Variants in C10orf67 observed in about 807,000 individuals in gnomAD.
C10orf67 encodes chromosome 10 open reading frame 67.
A neutral mutation model predicts 35.6 loss-of-function variants in C10orf67; 60 were observed. That is an observed-to-expected ratio of 1.68 (90% CI 1.37 to 2.09). The LOEUF (loss-of-function observed/expected upper bound fraction) is 2.09. C10orf67 is among the 30% of genes most tolerant of loss of function. The pLI, the probability that C10orf67 is intolerant of heterozygous loss-of-function variation, is 0.00. For missense variants in C10orf67, 474 were observed against 330.2 expected (o/e 1.44, Z -3.38); for synonymous variants, 167 against 115.8 (o/e 1.44, Z -2.84).
chr10:23,329,371 C>T (rs963616643), intron 2 of C10orf67, among the ~76,000 whole-genome samples: 1 of 151,724 alleles, frequency 6.6e-6, no homozygotes, highest in Non-Finnish European at 1.5e-5. Context: ...TCAAAAGTGA[C>T]CCAGAATATT....
rs545716922 is a variant in C10orf67, at chr10:23,298,565, T to G, written c.702+4739A>C. 3.3e-5 allele frequency among the ~76,000 whole-genome samples: 5 copies of G among 152,348 alleles called. No individual in the cohort carries two copies. The East Asian group carries it at 9.7e-4, about 29-fold the overall frequency. On this transcript the variant is annotated intron_variant, in intron 5 of 15. Transcript: ENST00000636213. Reference sequence around the variant, plus strand: ...TTAGTGTATATAATGGTCTGGCTATTTCGCCGTACCTGGGAATCCATATTC... The same window carrying G: ...TTAGTGTATATAATGGTCTGGCTATGTCGCCGTACCTGGGAATCCATATTC...
intron 2 of C10orf67, among the ~76,000 whole-genome samples, chr10:23,324,498 A>G (rs932623750): frequency 1.3e-5 from 2 of 152,120 alleles, no homozygotes; most frequent in African/African-American, 4.8e-5. Flanking sequence ...CTTTACCCCA[A>G]TAACTCTGGA....
intron 15 of C10orf67, among the ~76,000 whole-genome samples, chr10:23,216,005 T>A (rs141925062): frequency 6.6e-6 from 1 of 152,182 alleles, no homozygotes. Flanking sequence ...TACTTCATGA[T>A]GACACTTTAG....
intron 1 of C10orf67, among the ~76,000 whole-genome samples, chr10:23,339,234 G>A (rs1230423669): frequency 6.6e-6 from 1 of 152,116 alleles, no homozygotes; most frequent in Non-Finnish European, 1.5e-5. Flanking sequence ...AGGCAGAAAA[G>A]GGAGTCACTC....
chr10:23,323,079 G>T (rs570969560), intron 2 of C10orf67, among the ~76,000 whole-genome samples: 373 of 152,282 alleles, frequency 2.4e-3, no homozygotes, highest in African/African-American at 8.7e-3. Context: ...AAGATATGAT[G>T]ATGGACTAAA....
chr10:23,267,176 A>AGAGAG lies in C10orf67; in HGVS notation c.1035+18_1035+19insCTCTC. On this transcript the variant is annotated intron_variant, in intron 9 of 15. Coordinates refer to ENST00000636213, the MANE Select transcript of C10orf67 (RefSeq NM_001371909.1). Reference sequence around the variant, plus strand: ...CAAAATAAAAGAGAAAGAGAGAGAGAAAAAACTTAAATACAAACCTTTACA... The same window carrying AGAGAG: ...CAAAATAAAAGAGAAAGAGAGAGAGAGAGAGAAAAACTTAAATACAAACCTTTACA... 1 of 704,134 alleles carries AGAGAG rather than the reference A, an allele frequency of 1.4e-6. No homozygotes were observed. Among genetic ancestry groups the AGAGAG allele is most frequent in the African/African-American group, 1.8e-5 (1 of 56,406 alleles). 43.6% of individuals were successfully genotyped at this position (704,134 alleles called of 1,614,324 possible).
intron 10 of C10orf67, among the ~76,000 whole-genome samples, chr10:23,261,862 G>T (rs1271140427): frequency 6.6e-6 from 1 of 152,132 alleles, no homozygotes; most frequent in Non-Finnish European, 1.5e-5. Context: ...ATTCCACTGA[G>T]GAAAAGAAAG....
In C10orf67 at chr10:23,303,354, C is replaced by A. The variant is rs79461697; in HGVS notation, c.652G>T (p.Glu218Ter). Residue 218 changes from glutamate (E) to a stop codon, truncating the protein, a stop_gained, in exon 5 of 16, where the codon GAA (glutamate) becomes TAA (stop). Transcript: ENST00000636213. LOFTEE classifies it high-confidence loss of function. ...TATTGGTCTAGTTCTTCTTTTAATT[C>A]TTTAATAACTTCTTCTTTCTCTTTC... ...KLKEKEEVIK[E>*]LKEELDQYKD... 1.6e-6 allele frequency: 1 copy of A among 638,106 alleles called. No individual in the cohort carries two copies. Among genetic ancestry groups the A allele is most frequent in the Non-Finnish European group, 2.8e-6 (1 of 352,816 alleles). 39.5% of individuals were successfully genotyped at this position (638,106 alleles called of 1,614,324 possible).
At chr10:23,257,763 A>C (rs1281038442) in intron 10 of C10orf67, among the ~76,000 whole-genome samples, 1 of 151,498 alleles carries the variant, frequency 6.6e-6, no homozygotes, top group Non-Finnish European at 1.5e-5. Context: ...AGATCACAGC[A>C]CTGCACTCCA....
intron 13 of C10orf67, among the ~76,000 whole-genome samples, chr10:23,228,648 A>G (rs1382643927): frequency 6.6e-6 from 1 of 152,226 alleles, no homozygotes; most frequent in Non-Finnish European, 1.5e-5. Context: ...CAGAGTGAAC[A>G]GGCAACCACA....
intron 10 of C10orf67, among the ~76,000 whole-genome samples, chr10:23,265,343 A>C (rs1457390341): frequency 6.6e-6 from 1 of 152,014 alleles, no homozygotes; most frequent in Non-Finnish European, 1.5e-5. Context: ...ATTCTGTTCC[A>C]CTCCTCCATG....
chr10:23,276,093 C>G (rs1045247859), intron 8 of C10orf67, among the ~76,000 whole-genome samples: 1 of 152,118 alleles, frequency 6.6e-6, no homozygotes, highest in Admixed American at 6.6e-5. Flanking sequence ...TGGGGTTTCT[C>G]AGGATGTAGG....
rs148846914 is a variant in C10orf67, at chr10:23,203,986, G to A, written c.*187C>T. On this transcript the variant is annotated 3_prime_UTR_variant, in exon 16 of 16. Transcript: ENST00000636213. ...TTTCCTTAAAGGCGTGGAAAGGAGC[G>A]CGCACAAGGCGCGCATTGAGGTCTA... is the stretch of plus-strand genomic sequence containing the variant. 3,260 of 375,080 alleles carry A rather than the reference G, an allele frequency of 8.7e-3. 30 individuals are homozygous for A. The highest frequency in any genetic ancestry group is 9.0e-3 in the Non-Finnish European group (1,905 of 211,552). The allele number at this position is 375,080 out of a possible 1,614,324, so 23.2% of individuals were successfully genotyped here. A position where few individuals can be genotyped will look rare whatever the true frequency, so the allele number is the denominator to read the frequency against.
At chr10:23,302,069 G>A (rs906589762) in intron 5 of C10orf67, among the ~76,000 whole-genome samples, 2 of 152,174 alleles carry the variant, frequency 1.3e-5, no homozygotes, top group Admixed American at 6.5e-5. Context: ...TAACAAACAC[G>A]GACCAGAAGA....
intron 1 of C10orf67, among the ~76,000 whole-genome samples, chr10:23,342,218 CCA>C (rs111662364): frequency 0.012 from 1,797 of 149,536 alleles, 24 homozygotes; most frequent in African/African-American, 0.03. Context: ...TCCCCACTTG[CCA>C]CACACACACA....
At chr10:23,315,652 G>A (rs1219011477) in intron 4 of C10orf67, among the ~76,000 whole-genome samples, 1 of 152,038 alleles carries the variant, frequency 6.6e-6, no homozygotes, top group Non-Finnish European at 1.5e-5. Context: ...TGTTGCCCAG[G>A]CTGGTCTCAA....
chr10:23,320,632 C>A, intron 4 of C10orf67, 109 bp downstream of exon 4: 2 of 788,942 alleles, frequency 2.5e-6, no homozygotes, highest in Non-Finnish European at 4.1e-6. Flanking sequence ...GGAAACAGGC[C>A]TTCAGAGCTG....
At chr10:23,244,379 T>A (rs12242101) in intron 12 of C10orf67, among the ~76,000 whole-genome samples, 1 of 152,108 alleles carries the variant, frequency 6.6e-6, no homozygotes. Context: ...AATCAATGAG[T>A]TAGGCTTCCT....
chr10:23,243,198 T>C (rs1043856504), intron 12 of C10orf67, among the ~76,000 whole-genome samples: 3 of 152,144 alleles, frequency 2.0e-5, no homozygotes, highest in East Asian at 1.9e-4. Flanking sequence ...ATGTAAACTA[T>C]GTAAAGTAAA....
Sources: gnomAD v4.1 joint callset for allele counts (sites outside exome capture counted in the v4.1 genomes callset) on GRCh38, gnomAD v4.1.1 for gene constraint, MANE v1.5 for transcripts, NCBI Gene and HGNC (gene_info 2026-07-23, HGNC 2026-07-21) for gene names.